The following UCMA variants were observed in gnomAD, a reference collection of about 807,000 sequenced individuals.
UCMA encodes the protein upper zone of growth plate and cartilage matrix-associated protein.
In UCMA, 21 loss-of-function variants were observed where a neutral mutation model predicts 21.8. That is an observed-to-expected ratio of 0.97 (90% CI 0.68 to 1.39). The LOEUF (loss-of-function observed/expected upper bound fraction) is 1.39. Among genes scored for constraint, UCMA ranks in the 40% most tolerant of loss-of-function variants. UCMA has a pLI of 0.00. For missense variants in UCMA, 193 were observed against 178.9 expected (o/e 1.08, Z -0.45); for synonymous variants, 76 against 67.9 (o/e 1.12, Z -0.58).
Position 13,221,793 on chromosome 10 carries a change from C to A in UCMA, c.*310G>T. ...TGATTCAGCGTTTTTATTTGTAAGC[C>A]ATAAGCAAACATGTGATTCTTGACT... is the stretch of plus-strand genomic sequence containing the variant. On this transcript the variant is annotated 3_prime_UTR_variant, in exon 5 of 5. Transcript: ENST00000378681. The A allele has an allele frequency of 3.0e-6, 1 of 329,974 alleles. No individual in the cohort carries two copies. Among genetic ancestry groups the A allele is most frequent in the South Asian group, 4.7e-5 (1 of 21,254 alleles). 20.4% of individuals were successfully genotyped at this position (329,974 alleles called of 1,614,324 possible).
chr10:13,224,246 G>A lies in UCMA; in HGVS notation c.320-2046C>T, dbSNP rs186539259. Among the ~76,000 whole-genome samples the A allele has an allele frequency of 1.5e-3, 226 of 151,854 alleles. 2 individuals carry two copies. The highest frequency in any genetic ancestry group is 4.0e-3 in the African/African-American group (165 of 41,438). On this transcript the variant is annotated intron_variant, in intron 4 of 4. Transcript: ENST00000378681. ...GGAGGCTGAGTTGGGAGGATTGCTC[G>A]AGCCCAGGAGGTTGAGGCTGCAGTG...
At chr10:13,223,502 C>T (rs180790530) in intron 4 of UCMA, among the ~76,000 whole-genome samples, 1 of 152,204 alleles carries the variant, frequency 6.6e-6, no homozygotes, top group Non-Finnish European at 1.5e-5. Flanking sequence ...TAAGCCCAGA[C>T]GCAAAAAGAT....
chr10:13,233,727 G>A lies in UCMA; in HGVS notation c.124+8C>T. 6.2e-7 allele frequency: 1 copy of A among 1,614,026 alleles called. No homozygotes were observed. The highest frequency in any genetic ancestry group is 1.3e-5 in the African/African-American group (1 of 74,984). ...CTGCCCTGCCCCGTGGGTGGCCCCT[G>A]CACTCACCTTCACTCGCCTCTTCTC... On this transcript the variant is annotated splice_region_variant and intron_variant, in intron 2 of 4. Transcript: ENST00000378681.
chr10:13,224,348 G>GGGGA (rs1259767999), intron 4 of UCMA, among the ~76,000 whole-genome samples: 3 of 151,004 alleles, frequency 2.0e-5, no homozygotes, highest in South Asian at 4.2e-4. Context: ...AGGAAGCGGT[G>GGGGA]GGGAGGGAGG....
chr10:13,234,241 G>A lies in UCMA; in HGVS notation c.18C>T (p.Ala6=), dbSNP rs187657704. 4.0e-5 allele frequency: 65 copies of A among 1,613,872 alleles called. No homozygotes were observed. The highest frequency in any genetic ancestry group is 2.7e-4 in the Admixed American group (16 of 60,002). MTWRQ[A]VLLSCFSAVV... is the part of the protein sequence containing the mutation. ...CGGCGGAGAAGCAAGACAGCAGGAC[G>A]GCCTGTCTCCAAGTCATCTTTGCAG... The change falls in exon 1 of 5, where the codon GCC becomes GCT. Residue 6 remains alanine (A), a synonymous_variant. Transcript: ENST00000378681.
At chr10:13,224,788 C>A (rs1037706624) in intron 4 of UCMA, among the ~76,000 whole-genome samples, 6 of 152,178 alleles carry the variant, frequency 3.9e-5, no homozygotes, top group Non-Finnish European at 7.3e-5. Context: ...GGGTGCAGGG[C>A]CCAGTGACCA....
intron 1 of UCMA, among the ~76,000 whole-genome samples, 165 bp from the exon 2 acceptor site, chr10:13,233,965 C>G (rs558756204): frequency 1.3e-5 from 2 of 152,144 alleles, no homozygotes; most frequent in South Asian, 4.2e-4. Flanking sequence ...AGGAACCCAC[C>G]AAGCAAGCTG....
intron 3 of UCMA, among the ~76,000 whole-genome samples, chr10:13,230,961 G>A (rs562165861): frequency 6.6e-6 from 1 of 152,104 alleles, no homozygotes; most frequent in Non-Finnish European, 1.5e-5. Context: ...GGAGGGTGAG[G>A]CAGGAGAATT....
rs397728212 is a variant in UCMA, at chr10:13,225,673, CA to C, written c.320-3474del. On this transcript the variant is annotated intron_variant, in intron 4 of 4. Coordinates refer to ENST00000378681, the MANE Select transcript of UCMA (RefSeq NM_145314.3). ...CTGGTGACAGAGCGAGATTCCATCT[CA>C]AAAAAAAAAAAAAAAAGAATAGGTG... 3.6e-4 allele frequency among the ~76,000 whole-genome samples: 38 copies of C among 106,996 alleles called. 1 individual carries two copies. The highest frequency in any genetic ancestry group is 1.4e-3 in the South Asian group (4 of 2,820). The allele number at this position is 106,996 out of a possible 152,430, so 70.2% of individuals were successfully genotyped here. A position where few individuals can be genotyped will look rare whatever the true frequency, so the allele number is the denominator to read the frequency against.
intron 4 of UCMA, among the ~76,000 whole-genome samples, chr10:13,227,658 G>C (rs1276408697): frequency 6.8e-6 from 1 of 147,894 alleles, no homozygotes; most frequent in Admixed American, 6.9e-5. Context: ...GGGAGGTTGC[G>C]GTGAGCTGAG....
chr10:13,228,057 TTTC>T (rs1282584155), intron 4 of UCMA, among the ~76,000 whole-genome samples: 1 of 151,494 alleles, frequency 6.6e-6, no homozygotes, highest in East Asian at 1.9e-4. Flanking sequence ...GTCTAGGCCT[TTTC>T]TTTTCTTTTT....
At chr10:13,231,940 C>G (rs1834903966) in intron 3 of UCMA, among the ~76,000 whole-genome samples, 1 of 152,144 alleles carries the variant, frequency 6.6e-6, no homozygotes, top group Admixed American at 6.6e-5. Flanking sequence ...GACTGGGTGA[C>G]AGCAGATGCA....
chr10:13,234,352 CG>C lies in UCMA; in HGVS notation c.-95del. On this transcript the variant is annotated 5_prime_UTR_variant, in exon 1 of 5. Coordinates refer to ENST00000378681, the MANE Select transcript of UCMA (RefSeq NM_145314.3). ...CCACTTCTGAGGCAGGCAGCCCAGG[CG>C]AGAGGAAGGAAGGCGGGGGAGGGAA... 2.3e-6 allele frequency: 3 copies of C among 1,305,346 alleles called. No homozygotes were observed. In the Admixed American group the frequency reaches 6.8e-5, roughly 29 times the overall value. 80.9% of individuals were successfully genotyped at this position (1,305,346 alleles called of 1,614,324 possible). A position where few individuals can be genotyped will look rare whatever the true frequency, so the allele number is the denominator to read the frequency against.
intron 4 of UCMA, among the ~76,000 whole-genome samples, chr10:13,228,031 G>C (rs1834847081): frequency 6.6e-6 from 1 of 151,768 alleles, no homozygotes; most frequent in African/African-American, 2.4e-5. Flanking sequence ...CCTGGCCAGA[G>C]ACACTGGACT....
chr10:13,226,470 G>A (rs1834825002), intron 4 of UCMA, among the ~76,000 whole-genome samples: 1 of 152,138 alleles, frequency 6.6e-6, no homozygotes, highest in Non-Finnish European at 1.5e-5. Flanking sequence ...ACGATGCCCA[G>A]CTTATGTTTT....
At chr10:13,232,368 T>A (rs1181445941) in intron 3 of UCMA, among the ~76,000 whole-genome samples, 6 of 53,160 alleles carry the variant, frequency 1.1e-4, no homozygotes, top group African/African-American at 5.0e-4. Flanking sequence ...TGAGACTCCA[T>A]CTCAAAAAAA....
At chr10:13,223,599 G>C (rs1021889117) in intron 4 of UCMA, among the ~76,000 whole-genome samples, 20 of 152,140 alleles carry the variant, frequency 1.3e-4, no homozygotes, top group Non-Finnish European at 2.5e-4. Context: ...TGTCACCCAG[G>C]CTGGGGTGCA....
intron 4 of UCMA, among the ~76,000 whole-genome samples, chr10:13,224,725 C>T (rs927374475): frequency 2.1e-4 from 32 of 152,218 alleles, no homozygotes; most frequent in Non-Finnish European, 1.0e-4. Context: ...TGCTTTGGTC[C>T]TTAGCACCTG....
At chr10:13,232,429 T>C (rs534355544) in intron 3 of UCMA, among the ~76,000 whole-genome samples, 2 of 148,356 alleles carry the variant, frequency 1.3e-5, no homozygotes, top group South Asian at 2.2e-4. Flanking sequence ...CCTAAAATCA[T>C]GCCTGTTTCC....
Sources: gnomAD v4.1 joint callset for allele counts (sites outside exome capture counted in the v4.1 genomes callset) on GRCh38, gnomAD v4.1.1 for gene constraint, MANE v1.5 for transcripts, NCBI Gene and HGNC (gene_info 2026-07-23, HGNC 2026-07-21) for gene names.